Variants in EPS8 observed in about 807,000 individuals in gnomAD.
EPS8 encodes the protein epidermal growth factor receptor kinase substrate 8.
In EPS8, 42 loss-of-function variants were observed where a neutral mutation model predicts 103.8. That is an observed-to-expected ratio of 0.40 (90% CI 0.32 to 0.52). EPS8 has a LOEUF of 0.52. EPS8 is among the 20% of genes least tolerant of loss of function. EPS8 has a pLI of 0.40. For synonymous variants in EPS8, 344 were observed against 344.6 expected, an observed-to-expected ratio of 1.00 and a Z score of 0.02; for missense variants, 969 against 1,005.1, an observed-to-expected ratio of 0.96 and a Z score of 0.49.
chr12:15,722,311 A>G (rs1350617231), intron 1 of EPS8, among the ~76,000 whole-genome samples: 1 of 151,926 alleles, frequency 6.6e-6, no homozygotes, highest in Non-Finnish European at 1.5e-5. Flanking sequence ...TCTACAGCCT[A>G]TTTTAAACAA....
At chr12:15,634,680 G>C (rs1945105970) in intron 17 of EPS8, 3 of 398,570 alleles carry the variant, frequency 7.5e-6, no homozygotes, top group African/African-American at 2.1e-5. Context: ...TAAGTTGAGA[G>C]ACTGAATCCA....
intron 1 of EPS8, chr12:15,732,734 G>A (rs963194793): frequency 1.1e-5 from 11 of 971,588 alleles, no homozygotes; most frequent in Non-Finnish European, 9.8e-6. Flanking sequence ...GCAATAAAGA[G>A]AACACAAAAG....
In EPS8 at chr12:15,682,953, G is replaced by A; in HGVS notation, c.-2C>T. ...ATGATTAGAAATATGACCATTCATTGTGTCTTTCACTTGTGTGTTCTAAAA... is the reference window on the plus strand; with the variant it reads ...ATGATTAGAAATATGACCATTCATTATGTCTTTCACTTGTGTGTTCTAAAA... On this transcript the variant is annotated 5_prime_UTR_variant, in exon 2 of 21. Coordinates refer to ENST00000281172, the MANE Select transcript of EPS8 (RefSeq NM_004447.6). The A allele has an allele frequency of 1.3e-6, 2 of 1,576,602 alleles. No individual in the cohort carries two copies. Among genetic ancestry groups the A allele is most frequent in the Non-Finnish European group, 1.7e-6 (2 of 1,160,000 alleles).
intron 1 of EPS8, among the ~76,000 whole-genome samples, chr12:15,744,251 C>A (rs1946853207): frequency 6.6e-6 from 1 of 152,194 alleles, no homozygotes; most frequent in Admixed American, 6.5e-5. Context: ...TGGAGCTCAA[C>A]AAGCATGGAA....
intron 16 of EPS8, among the ~76,000 whole-genome samples, chr12:15,641,290 T>C (rs1945224220): frequency 6.6e-6 from 1 of 152,042 alleles, no homozygotes; most frequent in East Asian, 1.9e-4. Flanking sequence ...CAAAGAGAAG[T>C]TGGTGTTGTG....
chr12:15,623,362 C>T, intron 19 of EPS8, 75 bp from the exon 20 acceptor site: 1 of 1,355,932 alleles, frequency 7.4e-7, no homozygotes, highest in Non-Finnish European at 1.0e-6. Context: ...ATTATCTGTT[C>T]CTGCTAGTAA....
chr12:15,786,772 T>C (rs550385688), intron 1 of EPS8, among the ~76,000 whole-genome samples: 1 of 152,110 alleles, frequency 6.6e-6, no homozygotes, highest in Non-Finnish European at 1.5e-5. Context: ...ACTTAAAATG[T>C]TTGCAACTAT....
In EPS8 at chr12:15,768,429, CAAAAAAAAAAAAAA is replaced by C. The variant is rs71042268; in HGVS notation, c.-22+20718_-22+20731del. Among the ~76,000 whole-genome samples, 10 of 24,836 alleles carry C rather than the reference CAAAAAAAAAAAAAA, an allele frequency of 4.0e-4. 1 individual carries two copies. Among genetic ancestry groups the C allele is most frequent in the South Asian group, 2.5e-3 (1 of 400 alleles). 16.3% of individuals were successfully genotyped at this position (24,836 alleles called of 152,430 possible). A position where few individuals can be genotyped will look rare whatever the true frequency, so the allele number is the denominator to read the frequency against. ...CTCTAGCCTGCAAGAGACTCCATCT[CAAAAAAAAAAAAAA>C]AAAAAAAAAAAAGAATTTTAAGAGC... is the stretch of plus-strand genomic sequence containing the variant. On this transcript the variant is annotated intron_variant, in intron 1 of 20. Coordinates refer to ENST00000281172, the MANE Select transcript of EPS8 (RefSeq NM_004447.6).
At chr12:15,765,805 T>G (rs972571414) in intron 1 of EPS8, among the ~76,000 whole-genome samples, 2 of 149,328 alleles carry the variant, frequency 1.3e-5, no homozygotes, top group Non-Finnish European at 3.0e-5. Flanking sequence ...GAAAAGTGGT[T>G]TTTTTTTTTT....
chr12:15,773,043 G>A (rs1005927581), intron 1 of EPS8, among the ~76,000 whole-genome samples: 2 of 152,136 alleles, frequency 1.3e-5, no homozygotes, highest in Middle Eastern at 3.2e-3. Flanking sequence ...TAGGAGAAGT[G>A]AAGAGGAAAC....
intron 8 of EPS8, among the ~76,000 whole-genome samples, chr12:15,663,441 T>C (rs922319062): frequency 6.6e-6 from 1 of 152,150 alleles, no homozygotes; most frequent in Non-Finnish European, 1.5e-5. Context: ...CCTGAGGGGC[T>C]TTCCAACTAA....
intron 18 of EPS8, among the ~76,000 whole-genome samples, chr12:15,628,547 T>C (rs760894935): frequency 6.6e-6 from 1 of 152,238 alleles, no homozygotes; most frequent in African/African-American, 2.4e-5. Flanking sequence ...AAGTTTGGCA[T>C]CTTAAAAGCG....
chr12:15,636,781 C>G (rs1250012327), intron 17 of EPS8, among the ~76,000 whole-genome samples: 1 of 152,050 alleles, frequency 6.6e-6, no homozygotes, highest in Non-Finnish European at 1.5e-5. Flanking sequence ...ATGTCCTATT[C>G]TAAGTAAATC....
chr12:15,666,751 G>A (rs1272414413), intron 6 of EPS8, among the ~76,000 whole-genome samples: 1 of 152,000 alleles, frequency 6.6e-6, no homozygotes, highest in Non-Finnish European at 1.5e-5. Context: ...TATCTTAAAG[G>A]GAAACTATCC....
intron 17 of EPS8, among the ~76,000 whole-genome samples, chr12:15,639,899 T>C (rs983953294): frequency 6.6e-6 from 1 of 152,232 alleles, no homozygotes. Flanking sequence ...AAAGAGTTCT[T>C]TCTGGGGGAA....
chr12:15,670,278 C>G (rs914817916), intron 4 of EPS8, among the ~76,000 whole-genome samples: 1 of 152,136 alleles, frequency 6.6e-6, no homozygotes, highest in Non-Finnish European at 1.5e-5. Flanking sequence ...TAGGAACTGT[C>G]AAACTATTCA....
chr12:15,738,610 G>A lies in EPS8; in HGVS notation c.-22+50551C>T, dbSNP rs1029474017. The stretch of plus-strand genomic sequence containing the variant: ...CTTCCAACTCACTTTATGCCCTAGG[G>A]CATTCTGCATTATTATGCCCTAGGG... On this transcript the variant is annotated intron_variant, in intron 1 of 20. Coordinates refer to ENST00000281172, the MANE Select transcript of EPS8 (RefSeq NM_004447.6). This position sits in a 1 kb window ranked among gnomAD's most constrained non-coding sequence, Gnocchi z 6.2. Among the ~76,000 whole-genome samples the A allele has an allele frequency of 6.6e-6, 1 of 151,978 alleles. No homozygotes were observed. Among genetic ancestry groups the A allele is most frequent in the Non-Finnish European group, 1.5e-5 (1 of 67,992 alleles).
In EPS8 at chr12:15,640,807, C is replaced by A; in HGVS notation, c.1717G>T (p.Ala573Ser). The A allele has an allele frequency of 2.5e-6, 4 of 1,613,918 alleles. No homozygotes were observed. The highest frequency in any genetic ancestry group is 3.4e-6 in the Non-Finnish European group (4 of 1,179,844). Residue 573 changes from alanine to serine, a missense_variant, in exon 17 of 21, where the codon GCA becomes TCA. Physicochemically the swap from Ala to Ser is moderately conservative, Grantham distance 99. Transcript: ENST00000281172. Reference protein sequence around the residue: ...DRKQWWKVRNASGDSGFVPNN... With the variant: ...DRKQWWKVRNSSGDSGFVPNN... ...GGCACAAATCCAGAGTCTCCACTTG[C>A]ATTTCGAACTTTCCACCATTGCTTC...
chr12:15,679,294 T>C (rs1945963779), intron 3 of EPS8, among the ~76,000 whole-genome samples: 2 of 152,216 alleles, frequency 1.3e-5, no homozygotes, highest in African/African-American at 2.4e-5. Flanking sequence ...TTGTAAACAA[T>C]GCCTAAATTC....
Sources: gnomAD v4.1 joint callset for allele counts (sites outside exome capture counted in the v4.1 genomes callset) on GRCh38, gnomAD v4.1.1 for gene constraint, Gnocchi (gnomAD v3.1) non-coding constraint, MANE v1.5 for transcripts, NCBI Gene and HGNC (gene_info 2026-07-23, HGNC 2026-07-21) for gene names.